The following DHX30 variants were observed in gnomAD, a reference collection of about 807,000 sequenced individuals.
DHX30 encodes the protein DExH-box helicase 30.
DHX30 carries 4 observed loss-of-function variants against 116.9 expected under a neutral mutation model. The observed-to-expected ratio is 0.03, with a 90% confidence interval of 0.02 to 0.08. DHX30 has a LOEUF of 0.08. Among genes scored for constraint, DHX30 ranks in the 10% least tolerant of loss-of-function variants. The pLI is 1.00. For synonymous variants in DHX30, 697 were observed against 651.7 expected, an observed-to-expected ratio of 1.07 and a Z score of -1.06; for missense variants, 871 against 1,595.1, an observed-to-expected ratio of 0.55 and a Z score of 7.73.
chr3:47,810,903 A>G (rs1045420192), intron 3 of DHX30, among the ~76,000 whole-genome samples, 192 bp downstream of exon 3: 3 of 151,464 alleles, frequency 2.0e-5, no homozygotes, highest in African/African-American at 4.9e-5. Context: ...GGCCTTTGCC[A>G]TGCTTCCTCC....
chr3:47,821,622 G>A (rs948290031), intron 4 of DHX30, among the ~76,000 whole-genome samples: 14 of 151,188 alleles, frequency 9.3e-5, no homozygotes, highest in South Asian at 2.1e-4. Context: ...TGATTGAGAT[G>A]GAGTCTCACT....
chr3:47,826,826 G>A (rs73085201), intron 4 of DHX30, among the ~76,000 whole-genome samples: 2,268 of 152,280 alleles, frequency 0.015, 35 homozygotes, highest in South Asian at 0.07. Context: ...GCTTAGATAC[G>A]GTTGAGAGCT....
Position 47,846,805 on chromosome 3 carries a change from T to G in DHX30, c.1733T>G (p.Leu578Arg). 6.2e-7 allele frequency: 1 copy of G among 1,613,494 alleles called. No individual in the cohort carries two copies. Among genetic ancestry groups the G allele is most frequent in the Non-Finnish European group, 8.5e-7 (1 of 1,179,900 alleles). The change falls in exon 11 of 22, where the codon CTG becomes CGG. Residue 578 changes from leucine (L) to arginine (R), a missense_variant. By Grantham distance (102) the Leu-to-Arg change is moderately radical. This residue lies in a region of DHX30 where 22 missense variants were observed against 18.8 expected (regional missense o/e 1.17). Coordinates refer to ENST00000445061, the MANE Select transcript of DHX30 (RefSeq NM_138615.3). ...TDFLLILLKGLQRLNPALRLV... is the reference protein window; with the variant it reads ...TDFLLILLKGRQRLNPALRLV... The stretch of plus-strand genomic sequence containing the variant: ...TTTCTGCTGATCCTGCTCAAGGGCC[T>G]GCAGCGGCTCAACCCGGCCCTGCGG...
chr3:47,847,297 T>A lies in DHX30; in HGVS notation c.1954T>A (p.Leu652Met). The change falls in exon 12 of 22, where the codon TTG becomes ATG. Residue 652 changes from leucine (L) to methionine (M), a missense_variant. Transcript: ENST00000445061. The surrounding 1 kb of genome is among the most constrained non-coding windows in gnomAD (Gnocchi z 5.5). ...HESEDECALD[L>M]DLVTDLVLHI... Reference sequence around the variant, plus strand: ...GTCTGAGGATGAATGCGCACTCGATTTGGACCTTGTGACTGATCTGGTTCT... The same window carrying A: ...GTCTGAGGATGAATGCGCACTCGATATGGACCTTGTGACTGATCTGGTTCT... The A allele has an allele frequency of 6.2e-7, 1 of 1,614,236 alleles. No individual in the cohort carries two copies. Among genetic ancestry groups the A allele is most frequent in the Non-Finnish European group, 8.5e-7 (1 of 1,180,034 alleles).
chr3:47,841,210 C>T (rs773235131), intron 7 of DHX30, 32 bp downstream of exon 7: 1 of 1,606,832 alleles, frequency 6.2e-7, no homozygotes, highest in Non-Finnish European at 8.5e-7. Flanking sequence ...GCAGCAGAGG[C>T]TGGCTGTGCC....
At chr3:47,828,647 T>C (rs912185442) in intron 5 of DHX30, among the ~76,000 whole-genome samples, 4 of 151,832 alleles carry the variant, frequency 2.6e-5, no homozygotes, top group African/African-American at 9.7e-5. Context: ...GGTGGGCACC[T>C]GTAGCCCCAG....
Position 47,846,176 on chromosome 3 carries a change from G to T in DHX30, c.1104G>T (p.Glu368Asp), listed in dbSNP as rs1489414749. 10 of 1,612,756 alleles carry T rather than the reference G, an allele frequency of 6.2e-6. No individual in the cohort carries two copies. In the African/African-American group the frequency reaches 1.3e-4, roughly 22 times the overall value. Reference sequence around the variant, plus strand: ...TCCCTGCCCTCCAGTACCCTGTGGAGAGTTCATGGATCGCCCCAGAACTCC... The same window carrying T: ...TCCCTGCCCTCCAGTACCCTGTGGATAGTTCATGGATCGCCCCAGAACTCC... ...IETFLNHYPV[E>D]SSWIAPELRL... The change falls in exon 11 of 22, where the codon GAG becomes GAT. Residue 368 changes from glutamate (E) to aspartate (D), a missense_variant. Physicochemically the swap from Glu to Asp is conservative, Grantham distance 45. Around this residue, in one of 13 missense-constraint regions of DHX30, gnomAD observed 175 missense variants for 292.9 expected, o/e 0.60. Coordinates refer to ENST00000445061, the MANE Select transcript of DHX30 (RefSeq NM_138615.3).
At position 47,848,593 on chromosome 3, in the gene DHX30, G is replaced by T. The variant is rs201203161; in HGVS notation, c.2576-31G>T. 2 of 1,614,048 alleles carry T rather than the reference G, an allele frequency of 1.2e-6. No individual in the cohort carries two copies. The highest frequency in any genetic ancestry group is 2.2e-5 in the South Asian group (2 of 91,080). On this transcript the variant is annotated intron_variant, in intron 16 of 21. Coordinates refer to ENST00000445061, the MANE Select transcript of DHX30 (RefSeq NM_138615.3). This position sits in a 1 kb window ranked among gnomAD's most constrained non-coding sequence, Gnocchi z 9.4. ...TGGGCTGGGCTGGGGAGTGGCTCTC[G>T]AGGGTGGTACTGACAGCTGAGCCGT...
At chr3:47,816,653 G>T in intron 3 of DHX30, 1 of 985,544 alleles carries the variant, frequency 1.0e-6, no homozygotes, top group Non-Finnish European at 1.2e-6. Context: ...ACCGCGCCGG[G>T]CTACAAAGAG....
At chr3:47,842,602 C>T (rs2037429410) in intron 8 of DHX30, 1 of 152,624 alleles carries the variant, frequency 6.6e-6, no homozygotes, top group Non-Finnish European at 1.5e-5. Context: ...TAATCGAGCC[C>T]CTTCCTCGTG....
chr3:47,826,635 C>G (rs1443415991), intron 4 of DHX30, among the ~76,000 whole-genome samples: 1 of 152,048 alleles, frequency 6.6e-6, no homozygotes, highest in Admixed American at 6.6e-5. Context: ...TTAGTAGAGA[C>G]GAGGTTTCAC....
Position 47,846,996 on chromosome 3 carries a change from C to T in DHX30, c.1924C>T (p.His642Tyr), listed in dbSNP as rs780713125. 5.6e-6 allele frequency: 9 copies of T among 1,609,786 alleles called. No homozygotes were observed. The East Asian group carries it at 1.8e-4, about 32-fold the overall frequency. ...CCAGTACCTGCACCGGCACCGGCAC[C>T]ATGAGGTGAGGGACACCCCCATCCC... is the stretch of plus-strand genomic sequence containing the variant. ...KHQYLHRHRH[H>Y]ESEDECALDL... Residue 642 changes from histidine (H) to tyrosine (Y), a missense_variant, in exon 11 of 22, where the codon CAT (histidine) becomes TAT (tyrosine). Around this residue, in one of 13 missense-constraint regions of DHX30, gnomAD observed 61 missense variants for 106.7 expected, o/e 0.57. Coordinates refer to ENST00000445061, the MANE Select transcript of DHX30 (RefSeq NM_138615.3).
At chr3:47,806,927 G>A (rs2035555233) in intron 2 of DHX30, among the ~76,000 whole-genome samples, 1 of 151,966 alleles carries the variant, frequency 6.6e-6, no homozygotes, top group Non-Finnish European at 1.5e-5. Context: ...CTGCATTATG[G>A]CCGGTCGTGG....
chr3:47,842,216 A>G (rs76903462), intron 8 of DHX30: 1 of 157,400 alleles, frequency 6.4e-6, no homozygotes, highest in East Asian at 1.9e-4. Flanking sequence ...CCCTTAATTT[A>G]CAAGACACTA....
At chr3:47,840,759 T>C in intron 6 of DHX30, 118 bp from the exon 7 acceptor site, 3 of 1,297,172 alleles carry the variant, frequency 2.3e-6, no homozygotes, top group South Asian at 2.6e-5. Flanking sequence ...CTGAAGTGGG[T>C]AAACAGATGA....
At chr3:47,829,312 A>T (rs868624730) in intron 6 of DHX30, among the ~76,000 whole-genome samples, 178 bp downstream of exon 6, 1,165 of 27,546 alleles carry the variant, frequency 0.042, 10 homozygotes, top group Non-Finnish European at 0.065. Context: ...ATATATATAT[A>T]TATTTTTTTT....
At chr3:47,823,996 CTTTTTTTT>C (rs759550719) in intron 4 of DHX30, among the ~76,000 whole-genome samples, 1 of 100,368 alleles carries the variant, frequency 1.0e-5, no homozygotes, top group Non-Finnish European at 2.0e-5. Context: ...TTTTCTTTTC[CTTTTTTTT>C]TTTTTTTTTT....
chr3:47,842,233 C>T (rs1194734265), intron 8 of DHX30: 1 of 155,184 alleles, frequency 6.4e-6, no homozygotes, highest in African/African-American at 2.4e-5. Context: ...ACTAAGGGCT[C>T]CTCACCCAAC....
chr3:47,841,837 C>T, intron 8 of DHX30, 100 bp downstream of exon 8: 1 of 1,554,016 alleles, frequency 6.4e-7, no homozygotes, highest in East Asian at 2.3e-5. Flanking sequence ...GGGTGTGTTC[C>T]TCCAGCCCAA....
Sources: gnomAD v4.1 joint callset for allele counts (sites outside exome capture counted in the v4.1 genomes callset) on GRCh38, gnomAD v4.1.1 for gene constraint, gnomAD v4.1.1 regional missense constraint, Gnocchi (gnomAD v3.1) non-coding constraint, MANE v1.5 for transcripts, NCBI Gene and HGNC (gene_info 2026-07-23, HGNC 2026-07-21) for gene names.